The following IMMP2L variants were observed in gnomAD, a reference collection of about 807,000 sequenced individuals.
The protein encoded by IMMP2L is mitochondrial inner membrane protease subunit 2.
In IMMP2L, 18 loss-of-function variants were observed where a neutral mutation model predicts 19.3. The observed-to-expected ratio is 0.93, with a 90% CI of 0.64 to 1.38. The LOEUF (loss-of-function observed/expected upper bound fraction) is 1.38. Ranked by LOEUF, IMMP2L falls within the 40% of genes most tolerant of loss-of-function variation. The pLI is 0.00. For synonymous variants in IMMP2L, 76 were observed against 73.0 expected (o/e 1.04, Z -0.21); for missense variants, 233 against 218.2 (o/e 1.07, Z -0.43).
At position 110,817,706 on chromosome 7, in the gene IMMP2L, C is replaced by T. The variant is rs542271341; in HGVS notation, c.408+68887G>A. 2.1e-4 allele frequency among the ~76,000 whole-genome samples: 32 copies of T among 152,232 alleles called. No individual in the cohort carries two copies. In the South Asian group the frequency reaches 6.6e-3, roughly 32 times the overall value. ...CCGGAAGCATCATGCTACCTGACTTCAAACTATACTACGAGGCTACAGTAA... is the reference window on the plus strand; with the variant it reads ...CCGGAAGCATCATGCTACCTGACTTTAAACTATACTACGAGGCTACAGTAA... On this transcript the variant is annotated intron_variant, in intron 5 of 5. Coordinates refer to ENST00000405709, the MANE Select transcript of IMMP2L (RefSeq NM_032549.4).
At chr7:110,773,391 T>C (rs1307285787) in intron 5 of IMMP2L, among the ~76,000 whole-genome samples, 3 of 152,094 alleles carry the variant, frequency 2.0e-5, no homozygotes, top group African/African-American at 7.2e-5. Flanking sequence ...AAATGAATCA[T>C]TAGATCACTC....
intron 3 of IMMP2L, among the ~76,000 whole-genome samples, chr7:111,018,620 C>T (rs1236837579): frequency 6.6e-6 from 1 of 151,974 alleles, no homozygotes; most frequent in African/African-American, 2.4e-5. Flanking sequence ...CCCTACAATG[C>T]CAACAGACAG....
chr7:111,356,379 C>T (rs150169114), intron 3 of IMMP2L, among the ~76,000 whole-genome samples: 3 of 152,208 alleles, frequency 2.0e-5, no homozygotes, highest in Admixed American at 6.6e-5. Flanking sequence ...ATAGTATTTA[C>T]ATTCTATTAG....
intron 4 of IMMP2L, among the ~76,000 whole-genome samples, chr7:110,956,625 T>C (rs1441897810): frequency 6.6e-6 from 1 of 151,980 alleles, no homozygotes; most frequent in Non-Finnish European, 1.5e-5. Context: ...ACTCTCAAAG[T>C]GTCCTAGTTT....
At chr7:111,124,029 T>C (rs1377956095) in intron 3 of IMMP2L, 1 of 1,613,970 alleles carries the variant, frequency 6.2e-7, no homozygotes, top group Non-Finnish European at 8.5e-7. Context: ...TGGAAATTTG[T>C]CTCCCTCTTA....
At chr7:110,927,326 G>A (rs11979084) in intron 4 of IMMP2L, among the ~76,000 whole-genome samples, 1,730 of 152,174 alleles carry the variant, frequency 0.011, 42 homozygotes, top group African/African-American at 0.04. Flanking sequence ...ACTCTTGTGC[G>A]AAAGGCATAA....
At chr7:110,876,346 G>C (rs1809064826) in intron 5 of IMMP2L, among the ~76,000 whole-genome samples, 1 of 152,102 alleles carries the variant, frequency 6.6e-6, no homozygotes, top group Non-Finnish European at 1.5e-5. Context: ...TGACATGGAT[G>C]CTAAGTGTAA....
chr7:110,843,196 T>C (rs1805283807), intron 5 of IMMP2L, among the ~76,000 whole-genome samples: 1 of 152,136 alleles, frequency 6.6e-6, no homozygotes, highest in South Asian at 2.1e-4. Context: ...ATAGTAAATG[T>C]TTAAGATGTT....
chr7:111,065,509 G>A (rs1185166666), intron 3 of IMMP2L, among the ~76,000 whole-genome samples: 1 of 152,124 alleles, frequency 6.6e-6, no homozygotes, highest in Non-Finnish European at 1.5e-5. Context: ...TGTCTATGAG[G>A]GTGTTGCCAA....
chr7:111,255,808 T>C (rs984978935), intron 3 of IMMP2L, among the ~76,000 whole-genome samples: 1 of 152,066 alleles, frequency 6.6e-6, no homozygotes, highest in Non-Finnish European at 1.5e-5. Flanking sequence ...CTTTAATAAC[T>C]ATTGTCCAAA....
chr7:111,191,000 G>GGGCAAACGGAATAGGAAAGAACTGACCAC (rs1808802786), intron 3 of IMMP2L, among the ~76,000 whole-genome samples: 1 of 151,882 alleles, frequency 6.6e-6, no homozygotes, highest in Non-Finnish European at 1.5e-5. Flanking sequence ...TGCTTTGAGC[G>GGGCAAACGGAATAGGAAAGAACTGACCAC]GGCAAACGGA....
intron 3 of IMMP2L, among the ~76,000 whole-genome samples, chr7:111,062,639 T>G (rs1021956631): frequency 7.2e-5 from 11 of 152,178 alleles, no homozygotes; most frequent in African/African-American, 2.7e-4. Flanking sequence ...AAAGCAAGTT[T>G]GTTACTTCCT....
At chr7:111,210,521 G>GT (rs1811195298) in intron 3 of IMMP2L, among the ~76,000 whole-genome samples, 1 of 151,888 alleles carries the variant, frequency 6.6e-6, no homozygotes, top group Non-Finnish European at 1.5e-5. Context: ...CCCAATTAAT[G>GT]TATCTTCTCA....
intron 5 of IMMP2L, among the ~76,000 whole-genome samples, chr7:110,884,888 A>G (rs1462771730): frequency 6.6e-6 from 1 of 152,030 alleles, no homozygotes; most frequent in Non-Finnish European, 1.5e-5. Flanking sequence ...GTAGTTTCCT[A>G]AAGTCATCTT....
At chr7:110,931,155 A>G (rs1290881310) in intron 4 of IMMP2L, among the ~76,000 whole-genome samples, 1 of 152,140 alleles carries the variant, frequency 6.6e-6, no homozygotes, top group Admixed American at 6.6e-5. Context: ...GATGCCTAAG[A>G]GATACACTTT....
At chr7:111,008,729 C>G (rs1323427500) in intron 3 of IMMP2L, among the ~76,000 whole-genome samples, 1 of 151,930 alleles carries the variant, frequency 6.6e-6, no homozygotes, top group East Asian at 1.9e-4. Flanking sequence ...GCCTAGAATA[C>G]TATGTGGCAC....
intron 3 of IMMP2L, among the ~76,000 whole-genome samples, chr7:110,966,920 AGGAT>A (rs1285842843): frequency 6.6e-6 from 1 of 152,076 alleles, no homozygotes; most frequent in East Asian, 1.9e-4. Context: ...TAACAAGTGA[AGGAT>A]TATGTTTTAC....
chr7:111,052,423 A>T (rs1188332538), intron 3 of IMMP2L, among the ~76,000 whole-genome samples: 1 of 152,176 alleles, frequency 6.6e-6, no homozygotes, highest in Non-Finnish European at 1.5e-5. Flanking sequence ...ATTTATTTCT[A>T]TTAACTTCAA....
intron 5 of IMMP2L, among the ~76,000 whole-genome samples, chr7:110,675,968 T>C (rs918672191): frequency 6.6e-6 from 1 of 152,212 alleles, no homozygotes; most frequent in African/African-American, 2.4e-5. Context: ...GGGCCTTACA[T>C]ATAAATAACC....
Sources: allele counts gnomAD v4.1 joint callset (sites outside exome capture counted in the v4.1 genomes callset), GRCh38; gene constraint gnomAD v4.1.1; transcripts MANE v1.5; gene names NCBI Gene and HGNC (gene_info 2026-07-23, HGNC 2026-07-21).